PCDHA11: variants seen among roughly 807,000 people sequenced by gnomAD.
The protein encoded by PCDHA11 is protocadherin alpha 11.
PCDHA11 carries 61 observed loss-of-function variants against 70.3 expected under a neutral mutation model. The ratio of observed to expected loss-of-function variants is 0.87; its 90% CI spans 0.71 to 1.07. PCDHA11 has a LOEUF of 1.07. Among genes scored for constraint, PCDHA11 ranks in the 50% least tolerant of loss-of-function variants. The pLI, the probability that PCDHA11 is intolerant of heterozygous loss-of-function variation, is 0.00. For missense variants in PCDHA11, 1,324 were observed against 1,237.5 expected, an observed-to-expected ratio of 1.07 and a Z score of -1.05; for synonymous variants, 633 against 555.1, an observed-to-expected ratio of 1.14 and a Z score of -1.97.
intron 1 of PCDHA11, among the ~76,000 whole-genome samples, chr5:140,972,660 ATT>A (rs11350929): frequency 0.036 from 4,256 of 117,216 alleles, 192 homozygotes; most frequent in African/African-American, 0.13. Context: ...AAGAAACCAA[ATT>A]TTTTTTTTTT....
intron 1 of PCDHA11, among the ~76,000 whole-genome samples, chr5:140,891,030 T>G (rs1583035754): frequency 6.6e-6 from 1 of 151,856 alleles, no homozygotes; most frequent in Non-Finnish European, 1.5e-5. Context: ...GGGTATAATC[T>G]TAGGTGTGAC....
At chr5:140,882,392 G>C (rs781850899) in intron 1 of PCDHA11, 4 of 1,614,178 alleles carry the variant, frequency 2.5e-6, no homozygotes, top group South Asian at 1.1e-5. Flanking sequence ...AGCAAAACAC[G>C]GCACCTTCGT....
intron 1 of PCDHA11, chr5:140,927,606 C>T: frequency 6.2e-7 from 1 of 1,614,202 alleles, no homozygotes; most frequent in Non-Finnish European, 8.5e-7. Context: ...GCTCCGTATA[C>T]CGCACCAAGG....
At chr5:140,983,437 A>C (rs1046174445) in intron 3 of PCDHA11, among the ~76,000 whole-genome samples, 1 of 152,202 alleles carries the variant, frequency 6.6e-6, no homozygotes, top group African/African-American at 2.4e-5. Flanking sequence ...AATTGTGTCT[A>C]CTCTAATCCT....
At chr5:141,009,494 A>T in intron 3 of PCDHA11, 133 bp from the exon 4 acceptor site, 1 of 1,488,918 alleles carries the variant, frequency 6.7e-7, no homozygotes, top group South Asian at 1.4e-5. Flanking sequence ...TTGCCCTCAG[A>T]CTTGAACAAA....
chr5:140,900,370 T>G (rs983806569), intron 1 of PCDHA11, among the ~76,000 whole-genome samples: 18 of 152,236 alleles, frequency 1.2e-4, no homozygotes, highest in African/African-American at 4.1e-4. Context: ...CTCTGCCTCC[T>G]GGGTTCAAGC....
Position 140,870,257 on chromosome 5 carries a change from C to T in PCDHA11, c.1154C>T (p.Thr385Ile), listed in dbSNP as rs1554163963. Residue 385 changes from threonine (T) to isoleucine (I), a missense_variant, in exon 1 of 4, where the codon ACC becomes ATC. Coordinates refer to ENST00000398640, the MANE Select transcript of PCDHA11 (RefSeq NM_018902.5). ...DRDSGVNGQVTCSLTPHVPFK... is the reference protein window; with the variant it reads ...DRDSGVNGQVICSLTPHVPFK... ...GACTCAGGTGTCAACGGACAGGTGACCTGCTCGCTGACGCCCCACGTTCCC... is the reference window on the plus strand; with the variant it reads ...GACTCAGGTGTCAACGGACAGGTGATCTGCTCGCTGACGCCCCACGTTCCC... 1 of 1,614,172 alleles carries T rather than the reference C, an allele frequency of 6.2e-7. No individual in the cohort carries two copies. Among genetic ancestry groups the T allele is most frequent in the Non-Finnish European group, 8.5e-7 (1 of 1,180,030 alleles).
chr5:140,986,737 G>A (rs1183806071), intron 3 of PCDHA11, among the ~76,000 whole-genome samples: 1 of 152,192 alleles, frequency 6.6e-6, no homozygotes, highest in African/African-American at 2.4e-5. Flanking sequence ...CAAGACCCCA[G>A]GGGATCTGGG....
chr5:140,898,153 G>C (rs1379342887), intron 1 of PCDHA11, among the ~76,000 whole-genome samples: 3 of 152,182 alleles, frequency 2.0e-5, no homozygotes, highest in South Asian at 2.1e-4. Context: ...TGTTCACGCT[G>C]ATGGTGGTTT....
At chr5:140,955,381 T>TG (rs782287731) in intron 1 of PCDHA11, among the ~76,000 whole-genome samples, 4 of 152,136 alleles carry the variant, frequency 2.6e-5, no homozygotes, top group Non-Finnish European at 5.9e-5. Context: ...AATTGAATCA[T>TG]GGGGGCAATT....
chr5:140,943,476 AAAT>A (rs1167849813), intron 1 of PCDHA11, among the ~76,000 whole-genome samples: 3 of 152,134 alleles, frequency 2.0e-5, no homozygotes, highest in Non-Finnish European at 2.9e-5. Context: ...AGATACAGTA[AAAT>A]AATAAATAGA....
intron 1 of PCDHA11, among the ~76,000 whole-genome samples, chr5:140,900,263 G>A (rs909474202): frequency 2.0e-5 from 3 of 151,830 alleles, no homozygotes; most frequent in African/African-American, 7.3e-5. Flanking sequence ...GTACTCCATT[G>A]TGTATATGTA....
chr5:140,961,920 G>A (rs2095643236), intron 1 of PCDHA11, among the ~76,000 whole-genome samples: 1 of 147,904 alleles, frequency 6.8e-6, no homozygotes, highest in South Asian at 2.1e-4. Context: ...GTCTCGCTCT[G>A]TTGCCCAGGC....
chr5:140,892,507 C>T (rs1261497068), intron 1 of PCDHA11, among the ~76,000 whole-genome samples: 1 of 152,162 alleles, frequency 6.6e-6, no homozygotes, highest in Non-Finnish European at 1.5e-5. Context: ...TTAAGAAGTT[C>T]CACCATGACT....
At chr5:140,958,375 T>A (rs1554223446) in intron 1 of PCDHA11, among the ~76,000 whole-genome samples, 1 of 152,162 alleles carries the variant, frequency 6.6e-6, no homozygotes, top group Non-Finnish European at 1.5e-5. Flanking sequence ...AATGTTGCTA[T>A]TTTCTTAACA....
chr5:140,883,356 C>T (rs147755059), intron 1 of PCDHA11: 31 of 1,614,190 alleles, frequency 1.9e-5, no homozygotes, highest in Non-Finnish European at 2.3e-5. Flanking sequence ...AGAGAAGACA[C>T]TCAGCCTAGC....
At chr5:140,940,566 G>T (rs1226026261) in intron 1 of PCDHA11, among the ~76,000 whole-genome samples, 1 of 151,754 alleles carries the variant, frequency 6.6e-6, no homozygotes, top group African/African-American at 2.4e-5. Flanking sequence ...CTCCTACCTT[G>T]GCTCCCAAAG....
chr5:140,993,617 C>A (rs1299213362), intron 3 of PCDHA11, among the ~76,000 whole-genome samples: 3 of 152,034 alleles, frequency 2.0e-5, no homozygotes, highest in Non-Finnish European at 4.4e-5. Context: ...TGTTGGGACC[C>A]TCTATATATA....
chr5:140,991,308 C>T (rs374484318), intron 3 of PCDHA11, among the ~76,000 whole-genome samples: 1 of 152,282 alleles, frequency 6.6e-6, no homozygotes, highest in South Asian at 2.1e-4. Flanking sequence ...ATTATCTTGT[C>T]CCGCATGATA....
Sources: gnomAD v4.1 joint callset for allele counts (sites outside exome capture counted in the v4.1 genomes callset) on GRCh38, gnomAD v4.1.1 for gene constraint, MANE v1.5 for transcripts, NCBI Gene and HGNC (gene_info 2026-07-23, HGNC 2026-07-21) for gene names.